The following BBX variants were observed in gnomAD, a reference collection of about 807,000 sequenced individuals.
The protein encoded by BBX is BBX high mobility group box domain containing, also known as HMG box transcription factor BBX.
BBX carries 30 observed loss-of-function variants against 100.2 expected under a neutral mutation model. That is an observed-to-expected ratio of 0.30 (90% confidence interval 0.22 to 0.41). The LOEUF is 0.41. Among genes scored for constraint, BBX ranks in the 10% least tolerant of loss-of-function variants. The probability of loss-of-function intolerance (pLI) is 1.00; values close to 1 mark genes in which losing one functional copy is unlikely to be tolerated. For synonymous variants in BBX, 376 were observed against 388.1 expected (o/e 0.97, Z 0.37); for missense variants, 1,023 against 1,129.8 (o/e 0.91, Z 1.35).
chr3:107,735,914 G>T (rs2063605266), intron 7 of BBX, among the ~76,000 whole-genome samples: 1 of 151,770 alleles, frequency 6.6e-6, no homozygotes, highest in Admixed American at 6.6e-5. Context: ...TGGTTCTATA[G>T]TCTCATTGTG....
At chr3:107,628,493 T>C (rs2056347460) in intron 2 of BBX, among the ~76,000 whole-genome samples, 1 of 152,038 alleles carries the variant, frequency 6.6e-6, no homozygotes, top group African/African-American at 2.4e-5. Context: ...GAAGTTGAAA[T>C]AGATTAAATA....
chr3:107,653,633 A>G (rs1288075601), intron 3 of BBX, among the ~76,000 whole-genome samples: 6 of 152,302 alleles, frequency 3.9e-5, no homozygotes, highest in African/African-American at 1.4e-4. Context: ...ATTCTTATAA[A>G]ACGGATGAGT....
chr3:107,684,825 C>A (rs77272661), intron 3 of BBX: 1 of 152,096 alleles, frequency 6.6e-6, no homozygotes, highest in Non-Finnish European at 1.5e-5. Context: ...TATCTGTCTT[C>A]GAAGGAGAGC....
At chr3:107,768,606 T>C (rs910110545) in intron 10 of BBX, among the ~76,000 whole-genome samples, 2 of 151,792 alleles carry the variant, frequency 1.3e-5, no homozygotes, top group South Asian at 2.1e-4. Context: ...TAAGAAAAAA[T>C]GGAAAGTCTT....
chr3:107,575,145 A>C, intron 2 of BBX, among the ~76,000 whole-genome samples: 1 of 152,270 alleles, frequency 6.6e-6, no homozygotes, highest in Non-Finnish European at 1.5e-5. Context: ...CTTTATGATA[A>C]AGTTTCTTGT....
intron 2 of BBX, among the ~76,000 whole-genome samples, chr3:107,635,869 G>A (rs895121682): frequency 7.2e-5 from 11 of 151,822 alleles, no homozygotes; most frequent in African/African-American, 2.4e-4. Context: ...CTGCCACTAC[G>A]CCTGACTAAT....
At chr3:107,803,728 T>C (rs767263772) in intron 17 of BBX, among the ~76,000 whole-genome samples, 13 of 152,196 alleles carry the variant, frequency 8.5e-5, no homozygotes, top group Non-Finnish European at 1.9e-4. Context: ...TTTGAACTCC[T>C]TATCTCGCGT....
intron 3 of BBX, among the ~76,000 whole-genome samples, chr3:107,694,422 C>G (rs1398660286): frequency 4.2e-5 from 6 of 141,294 alleles, no homozygotes; most frequent in East Asian, 4.1e-4. Flanking sequence ...TGAATTTTGT[C>G]AAAGGCCTTT....
chr3:107,684,549 C>A (rs952499221), intron 3 of BBX: 3 of 152,146 alleles, frequency 2.0e-5, no homozygotes, highest in Admixed American at 6.6e-5. Context: ...GTCACCATGA[C>A]AAGCAGAAAT....
At chr3:107,532,769 A>C (rs1298325615) in intron 2 of BBX, among the ~76,000 whole-genome samples, 3 of 152,216 alleles carry the variant, frequency 2.0e-5, no homozygotes, top group Admixed American at 6.5e-5. Context: ...GAATAAATCA[A>C]AATTAAGTGA....
chr3:107,529,203 C>A (rs1389439816), intron 2 of BBX, among the ~76,000 whole-genome samples: 1 of 152,166 alleles, frequency 6.6e-6, no homozygotes, highest in African/African-American at 2.4e-5. Context: ...ACATTACCAC[C>A]AACGTGGCAT....
At chr3:107,629,929 G>T (rs557261564) in intron 2 of BBX, among the ~76,000 whole-genome samples, 1 of 152,006 alleles carries the variant, frequency 6.6e-6, no homozygotes, top group Non-Finnish European at 1.5e-5. Context: ...GGTGAGATGC[G>T]TGTCTGTAGA....
intron 15 of BBX, among the ~76,000 whole-genome samples, chr3:107,795,841 G>A (rs62263966): frequency 0.13 from 19,473 of 151,876 alleles, 1,338 homozygotes; most frequent in Middle Eastern, 0.17. Flanking sequence ...TGTGCCTTAC[G>A]CTTCTTACTG....
At chr3:107,546,802 C>G (rs890894071) in intron 2 of BBX, among the ~76,000 whole-genome samples, 1 of 152,112 alleles carries the variant, frequency 6.6e-6, no homozygotes. Context: ...AATATAGTTA[C>G]TGTATCTGAA....
intron 1 of BBX, among the ~76,000 whole-genome samples, chr3:107,525,807 TG>T (rs1285099264): frequency 2.0e-5 from 3 of 152,124 alleles, no homozygotes; most frequent in Non-Finnish European, 4.4e-5. Context: ...TGACCCGGGC[TG>T]GGTGTTTGGG....
At chr3:107,716,157 A>T (rs907386376) in intron 4 of BBX, among the ~76,000 whole-genome samples, 1 of 152,192 alleles carries the variant, frequency 6.6e-6, no homozygotes, top group African/African-American at 2.4e-5. Flanking sequence ...CAAAGGTACT[A>T]TTCATATATT....
intron 13 of BBX, among the ~76,000 whole-genome samples, chr3:107,785,283 CAAG>C (rs1410914961): frequency 6.6e-6 from 1 of 151,326 alleles, no homozygotes; most frequent in Non-Finnish European, 1.5e-5. Context: ...CCAGAAATTA[CAAG>C]AAAAGTAAAC....
chr3:107,571,527 T>C (rs1261851240), intron 2 of BBX, among the ~76,000 whole-genome samples: 2 of 152,008 alleles, frequency 1.3e-5, no homozygotes, highest in Non-Finnish European at 2.9e-5. Flanking sequence ...GATTGAAGGG[T>C]AGCGAGAGAG....
chr3:107,781,318 A>G (rs2067865395), intron 13 of BBX, among the ~76,000 whole-genome samples: 1 of 152,054 alleles, frequency 6.6e-6, no homozygotes, highest in Admixed American at 6.6e-5. Context: ...CTTGACAATG[A>G]AAAGGGATGA....
Sources: gnomAD v4.1 joint callset for allele counts (sites outside exome capture counted in the v4.1 genomes callset) on GRCh38, gnomAD v4.1.1 for gene constraint, MANE v1.5 for transcripts, NCBI Gene and HGNC (gene_info 2026-07-23, HGNC 2026-07-21) for gene names.